The following HSD17B3 variants were observed in gnomAD, a reference collection of about 807,000 sequenced individuals.
HSD17B3 encodes the protein hydroxysteroid 17-beta dehydrogenase 3.
HSD17B3 carries 29 observed loss-of-function variants against 41.1 expected under a neutral mutation model. The ratio of observed to expected loss-of-function variants is 0.71; its 90% CI spans 0.53 to 0.96. The LOEUF is 0.96. HSD17B3 is among the 40% of genes least tolerant of loss of function. The pLI is 0.00. For synonymous variants in HSD17B3, 126 were observed against 145.6 expected (o/e 0.87, Z 0.97); for missense variants, 323 against 374.6 (o/e 0.86, Z 1.14).
At chr9:96,297,202 T>G (rs910187213) in intron 2 of HSD17B3, among the ~76,000 whole-genome samples, 3 of 151,800 alleles carry the variant, frequency 2.0e-5, no homozygotes, top group Non-Finnish European at 2.9e-5. Context: ...ATTTGGAATA[T>G]CTCATATTTC....
At chr9:96,241,034 C>A in intron 9 of HSD17B3, 127 bp from the exon 10 acceptor site, 2 of 1,163,120 alleles carry the variant, frequency 1.7e-6, no homozygotes, top group East Asian at 4.8e-5. Context: ...GTTTTAAGAT[C>A]TTGAGTGGAA....
intron 1 of HSD17B3, among the ~76,000 whole-genome samples, chr9:96,300,128 G>T (rs1002117183): frequency 1.3e-5 from 2 of 150,544 alleles, no homozygotes; most frequent in African/African-American, 4.9e-5. Context: ...GTGGAGTGGG[G>T]TATTTAAATC....
At chr9:96,253,156 A>C (rs143963948) in intron 3 of HSD17B3, among the ~76,000 whole-genome samples, 1 of 152,324 alleles carries the variant, frequency 6.6e-6, no homozygotes, top group East Asian at 1.9e-4. Flanking sequence ...GATTTACTGC[A>C]GCGGTTCTCA....
At chr9:96,282,977 A>C (rs1826755184) in intron 2 of HSD17B3, among the ~76,000 whole-genome samples, 1 of 149,240 alleles carries the variant, frequency 6.7e-6, no homozygotes. Context: ...GAATAAAAGC[A>C]CAACAGGTTT....
chr9:96,249,442 T>G, intron 6 of HSD17B3: 1 of 369,512 alleles, frequency 2.7e-6, no homozygotes, highest in Non-Finnish European at 4.9e-6. Flanking sequence ...AGGAAGATAC[T>G]AATTTTTTTT....
At chr9:96,270,412 G>T (rs1587754183) in intron 2 of HSD17B3, among the ~76,000 whole-genome samples, 1 of 152,100 alleles carries the variant, frequency 6.6e-6, no homozygotes, top group Admixed American at 6.6e-5. Context: ...AAATCTAGAG[G>T]AACATAAAAA....
intron 7 of HSD17B3, among the ~76,000 whole-genome samples, chr9:96,246,240 G>A (rs1229468121): frequency 2.0e-5 from 3 of 152,132 alleles, no homozygotes; most frequent in Non-Finnish European, 2.9e-5. Context: ...TCTTGATCTC[G>A]GGCCAACTTC....
At chr9:96,254,419 A>G (rs1825545490) in intron 3 of HSD17B3, among the ~76,000 whole-genome samples, 1 of 152,232 alleles carries the variant, frequency 6.6e-6, no homozygotes, top group Non-Finnish European at 1.5e-5. Context: ...ATATGTAAAA[A>G]TGTAATTATT....
intron 2 of HSD17B3, among the ~76,000 whole-genome samples, chr9:96,277,211 G>A (rs10820208): frequency 0.53 from 74,778 of 142,410 alleles, 19,430 homozygotes; most frequent in East Asian, 0.68. Flanking sequence ...AAAAAAAAAA[G>A]AAAGAAAATG....
chr9:96,281,985 G>A (rs762638962), intron 2 of HSD17B3, among the ~76,000 whole-genome samples: 4 of 152,296 alleles, frequency 2.6e-5, no homozygotes, highest in Non-Finnish European at 5.9e-5. Flanking sequence ...GAGGCTAGTC[G>A]TAAGCTGCAG....
At chr9:96,253,276 C>CT (rs1825501115) in intron 3 of HSD17B3, among the ~76,000 whole-genome samples, 1 of 152,086 alleles carries the variant, frequency 6.6e-6, no homozygotes, top group African/African-American at 2.4e-5. Flanking sequence ...TGGGTGGAGC[C>CT]CAGCCAGCCA....
chr9:96,277,598 A>G (rs1239391426), intron 2 of HSD17B3, among the ~76,000 whole-genome samples: 1 of 152,140 alleles, frequency 6.6e-6, no homozygotes, highest in Non-Finnish European at 1.5e-5. Context: ...AGAAAAGGGA[A>G]CTCTTGTATA....
chr9:96,295,711 C>A (rs1185612960), intron 2 of HSD17B3, among the ~76,000 whole-genome samples: 2 of 152,170 alleles, frequency 1.3e-5, no homozygotes, highest in Non-Finnish European at 1.5e-5. Context: ...GTCCCAGATG[C>A]CTTGCACTGC....
At position 96,252,844 on chromosome 9, in the gene HSD17B3, T is replaced by C. The variant is rs1365962179; in HGVS notation, c.344A>G (p.His115Arg). Reference sequence around the variant, plus strand: ...TAAGCCTGCAAGTTTTTCTTTAATATGCTCGTAGATGTCATCTTTTGTAAA... The same window carrying C: ...TAAGCCTGCAAGTTTTTCTTTAATACGCTCGTAGATGTCATCTTTTGTAAA... ...ADFTKDDIYE[H>R]IKEKLAGLEI... The change falls in exon 4 of 11, where the codon CAT becomes CGT. Residue 115 changes from histidine (H) to arginine (R), a missense_variant. His to Arg is a conservative substitution (Grantham distance 29). Transcript: ENST00000375263. 1 of 1,613,612 alleles carries C rather than the reference T, an allele frequency of 6.2e-7. No homozygotes were observed. Among genetic ancestry groups the C allele is most frequent in the South Asian group, 1.1e-5 (1 of 91,072 alleles).
At chr9:96,292,466 G>C (rs562421590) in intron 2 of HSD17B3, among the ~76,000 whole-genome samples, 1 of 152,294 alleles carries the variant, frequency 6.6e-6, no homozygotes, top group South Asian at 2.1e-4. Flanking sequence ...TTCTGCCTCA[G>C]CCTCCCAAGT....
chr9:96,245,223 G>C, intron 8 of HSD17B3, 122 bp downstream of exon 8: 1 of 818,906 alleles, frequency 1.2e-6, no homozygotes, highest in South Asian at 1.3e-5. Context: ...GCTCAGCCCT[G>C]CACATAAGAG....
rs201409032 is a variant in HSD17B3 at position 96,240,715 on chromosome 9, T to C, written c.822+43A>G. 237 of 1,609,928 alleles carry C rather than the reference T, an allele frequency of 1.5e-4. 4 individuals carry two copies. Among genetic ancestry groups the C allele is most frequent in the African/African-American group, 1.0e-3 (77 of 74,922 alleles). ...CAGCCCTGCCAGGGCCACCTGCGTG[T>C]CCTCCCTCCCTGGCTTCAAGAAAAG... is the stretch of plus-strand genomic sequence containing the variant. On this transcript the variant is annotated intron_variant, in intron 10 of 10. Coordinates refer to ENST00000375263, the MANE Select transcript of HSD17B3 (RefSeq NM_000197.2).
intron 2 of HSD17B3, among the ~76,000 whole-genome samples, chr9:96,265,114 T>C (rs1458384185): frequency 6.6e-6 from 1 of 152,226 alleles, no homozygotes; most frequent in East Asian, 1.9e-4. Context: ...TTAACAATTC[T>C]CAGCCAGTGA....
At chr9:96,276,561 T>A (rs1587764607) in intron 2 of HSD17B3, among the ~76,000 whole-genome samples, 1 of 152,072 alleles carries the variant, frequency 6.6e-6, no homozygotes, top group African/African-American at 2.4e-5. Context: ...AAAAGACATA[T>A]AAACCAATGG....
Sources: gnomAD v4.1 joint callset for allele counts (sites outside exome capture counted in the v4.1 genomes callset) on GRCh38, gnomAD v4.1.1 for gene constraint, MANE v1.5 for transcripts, NCBI Gene and HGNC (gene_info 2026-07-23, HGNC 2026-07-21) for gene names.